The following ANOS1 variants were observed in gnomAD, a reference collection of about 807,000 sequenced individuals.
ANOS1 encodes anosmin 1, also known as anosmin-1.
ANOS1 carries 6 observed loss-of-function variants against 59.0 expected under a neutral mutation model. The ratio of observed to expected loss-of-function variants is 0.10; its 90% CI spans 0.06 to 0.20. The LOEUF is 0.20. Ranked by LOEUF, ANOS1 falls within the 10% of genes least tolerant of loss-of-function variation. The pLI is 1.00. For synonymous variants in ANOS1, 217 were observed against 223.4 expected, an observed-to-expected ratio of 0.97 and a Z score of 0.25; for missense variants, 433 against 542.3, an observed-to-expected ratio of 0.80 and a Z score of 2.00.
At chrX:8,720,842 C>A (rs967918182) in intron 1 of ANOS1, among the ~76,000 whole-genome samples, 1 of 111,741 alleles carries the variant, frequency 8.9e-6, no homozygotes, top group Admixed American at 9.5e-5. Flanking sequence ...GGGAGGATTT[C>A]TTGAGCCTAG....
At chrX:8,622,489 G>T (rs1050249087) in intron 3 of ANOS1, among the ~76,000 whole-genome samples, 15 of 112,073 alleles carry the variant, frequency 1.3e-4, no homozygotes, top group African/African-American at 4.9e-4. Context: ...CCAGACCAAT[G>T]TCTCTGGATC....
rs904139681 is a variant in ANOS1 at position 8,657,069 on chromosome X, G to A, written c.256-33399C>T. On this transcript the variant is annotated intron_variant, in intron 2 of 13. Transcript: ENST00000262648. ...GCCCAATCTCCAGAGAAGTGGGAAGGGGGCAGGCAGAGATTGATTTTAACC... is the reference window on the plus strand; with the variant it reads ...GCCCAATCTCCAGAGAAGTGGGAAGAGGGCAGGCAGAGATTGATTTTAACC... 1.3e-4 allele frequency among the ~76,000 whole-genome samples: 15 copies of A among 112,411 alleles called. No individual in the cohort carries two copies. In the Admixed American group the frequency reaches 1.4e-3, roughly 11 times the overall value.
chrX:8,615,831 C>T (rs1189106480), intron 3 of ANOS1, among the ~76,000 whole-genome samples: 1 of 111,655 alleles, frequency 9.0e-6, no homozygotes, highest in Non-Finnish European at 1.9e-5. Flanking sequence ...CATTTCAAAC[C>T]TGCCTCCATA....
intron 3 of ANOS1, among the ~76,000 whole-genome samples, chrX:8,620,492 A>C (rs6640194): frequency 0.14 from 15,058 of 111,330 alleles, 1,496 homozygotes; most frequent in African/African-American, 0.33. Flanking sequence ...ACAATATGGA[A>C]TTCTGTGCAT....
At chrX:8,642,923 T>G (rs1226208904) in intron 2 of ANOS1, among the ~76,000 whole-genome samples, 1 of 112,191 alleles carries the variant, frequency 8.9e-6, no homozygotes, top group Non-Finnish European at 1.9e-5. Flanking sequence ...TGAGAATAGA[T>G]CATCAACACA....
At chrX:8,678,844 C>T (rs1483359166) in intron 2 of ANOS1, among the ~76,000 whole-genome samples, 1 of 111,940 alleles carries the variant, frequency 8.9e-6, no homozygotes, top group East Asian at 2.8e-4. Flanking sequence ...TGAGCCCCAA[C>T]AGTTGTAATC....
intron 2 of ANOS1, among the ~76,000 whole-genome samples, chrX:8,640,980 C>T (rs1194884624): frequency 8.9e-6 from 1 of 111,930 alleles, no homozygotes; most frequent in Non-Finnish European, 1.9e-5. Context: ...CAGAATTATA[C>T]TTCGTTCCCT....
intron 8 of ANOS1, among the ~76,000 whole-genome samples, chrX:8,555,407 C>T (rs1929934892): frequency 9.0e-6 from 1 of 110,936 alleles, no homozygotes; most frequent in African/African-American, 3.3e-5. Context: ...GATAGAGACA[C>T]AAAAAACCCT....
In ANOS1 at chrX:8,566,761, TAGAA is replaced by T. The variant is rs1930121162; in HGVS notation, c.1207+1467_1207+1470del. Among the ~76,000 whole-genome samples the T allele has an allele frequency of 3.6e-5, 4 of 111,647 alleles. No homozygotes were observed. In the Admixed American group the frequency reaches 3.8e-4, roughly 11 times the overall value. ...CCAAAGAGACTATTTCTCAAACAGA[TAGAA>T]ATCTCTGTTTCTGGACCATTTTTTG... On this transcript the variant is annotated intron_variant, in intron 8 of 13. Coordinates refer to ENST00000262648, the MANE Select transcript of ANOS1 (RefSeq NM_000216.4).
chrX:8,717,668 G>C (rs1003973915), intron 1 of ANOS1, among the ~76,000 whole-genome samples: 14 of 111,475 alleles, frequency 1.3e-4, no homozygotes, highest in African/African-American at 4.6e-4. Context: ...AAAGAAAAGA[G>C]AGATCAGGAG....
At chrX:8,625,971 G>T (rs182717569) in intron 2 of ANOS1, among the ~76,000 whole-genome samples, 111 of 108,222 alleles carry the variant, frequency 1.0e-3, no homozygotes, top group African/African-American at 3.4e-3. Flanking sequence ...AATTAGCTGG[G>T]TGTGGTGGTG....
intron 9 of ANOS1, among the ~76,000 whole-genome samples, chrX:8,540,643 T>C (rs1271780431): frequency 1.8e-5 from 2 of 108,728 alleles, no homozygotes; most frequent in Non-Finnish European, 3.8e-5. Flanking sequence ...AATGGCACCA[T>C]TTTGCAGGTG....
At chrX:8,693,031 C>G (rs1489635422) in intron 2 of ANOS1, among the ~76,000 whole-genome samples, 2 of 112,447 alleles carry the variant, frequency 1.8e-5, no homozygotes, top group East Asian at 5.6e-4. Flanking sequence ...TGGCTCATTA[C>G]AATATTTTGA....
In ANOS1 at chrX:8,534,741, TTTTA is replaced by T. The variant is rs955087722; in HGVS notation, c.1843-285_1843-282del. Reference sequence around the variant, plus strand: ...CAGTTCTCAGGGCTCACTCCTGGGATTTTATTTATTTTTTTAATTCCTTAACGTA... The same window carrying T: ...CAGTTCTCAGGGCTCACTCCTGGGATTTTATTTTTTTAATTCCTTAACGTA... On this transcript the variant is annotated intron_variant, in intron 12 of 13. Transcript: ENST00000262648. Among the ~76,000 whole-genome samples the T allele has an allele frequency of 2.7e-5, 3 of 111,018 alleles. No individual in the cohort carries two copies. The Admixed American group carries it at 2.9e-4, about 11-fold the overall frequency.
intron 5 of ANOS1, 24 bp downstream of exon 5, chrX:8,587,770 T>C: frequency 1.7e-6 from 2 of 1,170,638 alleles, no homozygotes; most frequent in Non-Finnish European, 2.3e-6. Context: ...AGGATGAAAA[T>C]CAAAGTCTAT....
chrX:8,685,732 AAG>A (rs1309297620), intron 2 of ANOS1, among the ~76,000 whole-genome samples: 1 of 111,043 alleles, frequency 9.0e-6, no homozygotes, highest in Admixed American at 9.5e-5. Context: ...AAGAGAAAGA[AAG>A]AGTGCACGAG....
intron 8 of ANOS1, among the ~76,000 whole-genome samples, chrX:8,561,597 G>C (rs1930034166): frequency 1.9e-5 from 2 of 107,762 alleles, no homozygotes; most frequent in Non-Finnish European, 3.8e-5. Context: ...TTACAGGCGT[G>C]AGCCACCGCG....
At position 8,585,385 on chromosome X, in the gene ANOS1, C is replaced by T; in HGVS notation, c.738G>A (p.Glu246=). 3.3e-6 allele frequency: 4 copies of T among 1,211,565 alleles called. No homozygotes were observed. The highest frequency in any genetic ancestry group is 4.5e-6 in the Non-Finnish European group (4 of 895,282). ...HWQTVAQTTD[E]RVQLTDIRPS... ...GTCTTATGTCAGTCAGTTGAACTCG[C>T]TCGTCTGTGGTCTGAGGGGACATGT... Residue 246 remains glutamate (E), a synonymous_variant, in exon 6 of 14, where the codon GAG becomes GAA. Transcript: ENST00000262648.
intron 6 of ANOS1, among the ~76,000 whole-genome samples, chrX:8,580,527 G>A (rs1473634542): frequency 1.8e-5 from 2 of 111,943 alleles, no homozygotes; most frequent in East Asian, 5.6e-4. Flanking sequence ...TATAAAAATA[G>A]TTAATGTTGA....
Sources: allele counts gnomAD v4.1 joint callset (sites outside exome capture counted in the v4.1 genomes callset), GRCh38; gene constraint gnomAD v4.1.1; transcripts MANE v1.5; gene names NCBI Gene and HGNC (gene_info 2026-07-23, HGNC 2026-07-21).